The following FAR2 variants were observed in gnomAD, a reference collection of about 807,000 sequenced individuals.
The protein encoded by FAR2 is epididymis secretory protein Li 81.
A neutral mutation model predicts 56.0 loss-of-function variants in FAR2; 19 were observed. The observed-to-expected ratio is 0.34, with a 90% CI of 0.24 to 0.50. FAR2 has a LOEUF of 0.50. Ranked by LOEUF, FAR2 falls within the 20% of genes least tolerant of loss-of-function variation. FAR2 has a pLI of 0.98. For missense variants in FAR2, 508 were observed against 642.2 expected (o/e 0.79, Z 2.26); for synonymous variants, 219 against 218.8 (o/e 1.00, Z -0.01).
At chr12:29,332,295 C>G (rs1310826485) in intron 10 of FAR2, among the ~76,000 whole-genome samples, 3 of 152,174 alleles carry the variant, frequency 2.0e-5, no homozygotes, top group Non-Finnish European at 2.9e-5. Context: ...CCTCGGTTAG[C>G]TGAAATATAT....
intron 9 of FAR2, 22 bp from the exon 10 acceptor site, chr12:29,321,773 T>A: frequency 1.2e-6 from 2 of 1,611,252 alleles, no homozygotes; most frequent in Non-Finnish European, 1.7e-6. Context: ...TGATATTTAC[T>A]CCTATCTGAT....
chr12:29,180,721 T>TTATCTATCTATCTATC (rs59448421), intron 1 of FAR2, among the ~76,000 whole-genome samples: 4 of 146,478 alleles, frequency 2.7e-5, no homozygotes, highest in Non-Finnish European at 3.0e-5. Flanking sequence ...TATTCATTGT[T>TTATCTATCTATCTATC]TATCTATCTA....
intron 1 of FAR2, among the ~76,000 whole-genome samples, chr12:29,179,443 A>G (rs1949972091): frequency 6.6e-6 from 1 of 152,204 alleles, no homozygotes; most frequent in East Asian, 1.9e-4. Flanking sequence ...TTCTTTACAT[A>G]CATTCCCATT....
chr12:29,313,300 T>A (rs1488684427), intron 8 of FAR2, among the ~76,000 whole-genome samples: 1 of 152,120 alleles, frequency 6.6e-6, no homozygotes, highest in Non-Finnish European at 1.5e-5. Context: ...CAGAACCAAA[T>A]GTTTTAATAA....
At chr12:29,251,058 A>T (rs1346518019) in intron 1 of FAR2, among the ~76,000 whole-genome samples, 1 of 152,184 alleles carries the variant, frequency 6.6e-6, no homozygotes, top group Admixed American at 6.5e-5. Flanking sequence ...ACTTGAAGAG[A>T]CCTGTGGCAT....
chr12:29,250,652 A>G (rs1312898900), intron 1 of FAR2, among the ~76,000 whole-genome samples: 1 of 152,202 alleles, frequency 6.6e-6, no homozygotes, highest in African/African-American at 2.4e-5. Context: ...TTCAAATCAA[A>G]TCAATACAAC....
At chr12:29,325,770 T>C (rs1254921500) in intron 10 of FAR2, among the ~76,000 whole-genome samples, 1 of 152,164 alleles carries the variant, frequency 6.6e-6, no homozygotes, top group Non-Finnish European at 1.5e-5. Flanking sequence ...GGGAAATTTA[T>C]AGCACTAAAT....
chr12:29,244,985 C>CTT (rs529685886), intron 1 of FAR2, among the ~76,000 whole-genome samples: 13 of 145,388 alleles, frequency 8.9e-5, no homozygotes, highest in South Asian at 6.6e-4. Context: ...TCTGTCCGCA[C>CTT]TTTTTTTTTT....
intron 1 of FAR2, among the ~76,000 whole-genome samples, chr12:29,186,203 A>G (rs1379461285): frequency 1.3e-5 from 2 of 152,216 alleles, no homozygotes; most frequent in East Asian, 1.9e-4. Context: ...TCTGTTATAT[A>G]TTTATACTTA....
chr12:29,261,792 C>A (rs12306862), intron 1 of FAR2, among the ~76,000 whole-genome samples: 2,719 of 152,180 alleles, frequency 0.018, 81 homozygotes, highest in African/African-American at 0.057. Context: ...AGAAAAAAAT[C>A]TTTTACCCTA....
intron 8 of FAR2, among the ~76,000 whole-genome samples, chr12:29,312,664 T>C (rs763860205): frequency 2.0e-5 from 3 of 152,166 alleles, no homozygotes; most frequent in Admixed American, 6.5e-5. Flanking sequence ...ATCTGTTCAA[T>C]GTATAAAACC....
chr12:29,163,103 A>C (rs1029623010), intron 1 of FAR2, among the ~76,000 whole-genome samples: 3 of 152,188 alleles, frequency 2.0e-5, no homozygotes, highest in Admixed American at 6.5e-5. Flanking sequence ...GAGACCTGGG[A>C]ACCCCTTCTC....
At position 29,189,937 on chromosome 12, in the gene FAR2, C is replaced by T. The variant is rs73073797; in HGVS notation, c.-39+40530C>T. Among the ~76,000 whole-genome samples the T allele has an allele frequency of 4.8e-3, 728 of 152,096 alleles. 5 individuals are homozygous for T. Among genetic ancestry groups the T allele is most frequent in the Middle Eastern group, 0.017 (5 of 294 alleles). On this transcript the variant is annotated intron_variant, in intron 1 of 11. Transcript: ENST00000536681. ...TGATTCCAGACAGACTTTGAAGATA[C>T]AGCTGGTAGGATTTGATGGTAGTTT...
At chr12:29,328,911 A>G (rs1949689709) in intron 10 of FAR2, among the ~76,000 whole-genome samples, 1 of 152,100 alleles carries the variant, frequency 6.6e-6, no homozygotes, top group African/African-American at 2.4e-5. Context: ...AAAAAAAGAA[A>G]AAAAAACAAT....
At position 29,332,627 on chromosome 12, in the gene FAR2, A is replaced by G; in HGVS notation, c.1285A>G (p.Asn429Asp). The change falls in exon 11 of 12, where the codon AAC becomes GAC. Residue 429 changes from asparagine to aspartate, a missense_variant. By Grantham distance (23) the Asn-to-Asp change is conservative. Coordinates refer to ENST00000536681, the MANE Select transcript of FAR2 (RefSeq NM_001271783.2). ...RVFNFDVRQL[N>D]WLEYIENYVL... ...ATTCAACTTTGACGTGCGCCAGTTG[A>G]ACTGGTTGGAATACATTGAAAATTA... is the stretch of plus-strand genomic sequence containing the variant. 6.2e-7 allele frequency: 1 copy of G among 1,613,756 alleles called. No homozygotes were observed. The highest frequency in any genetic ancestry group is 8.5e-7 in the Non-Finnish European group (1 of 1,179,750).
chr12:29,175,692 GCT>G (rs754090855), intron 1 of FAR2, among the ~76,000 whole-genome samples: 2 of 152,186 alleles, frequency 1.3e-5, no homozygotes, highest in Non-Finnish European at 1.5e-5. Context: ...CAATCCTTTA[GCT>G]AGACACAGAG....
intron 2 of FAR2, among the ~76,000 whole-genome samples, chr12:29,273,415 C>T (rs1272406512): frequency 2.0e-5 from 3 of 152,182 alleles, no homozygotes; most frequent in Admixed American, 6.5e-5. Context: ...TGAAGAGGCA[C>T]TCTGGCCGCA....
intron 2 of FAR2, 22 bp from the exon 3 acceptor site, chr12:29,293,278 T>C: frequency 6.6e-7 from 1 of 1,505,304 alleles, no homozygotes; most frequent in Non-Finnish European, 8.9e-7. Flanking sequence ...TTTTTGTATA[T>C]TGATCTATAT....
intron 1 of FAR2, among the ~76,000 whole-genome samples, chr12:29,203,567 C>T (rs761102132): frequency 1.3e-5 from 2 of 152,188 alleles, no homozygotes; most frequent in Non-Finnish European, 2.9e-5. Flanking sequence ...TCTGAGGTGA[C>T]TGAATCCATT....
Sources: allele counts gnomAD v4.1 joint callset (sites outside exome capture counted in the v4.1 genomes callset), GRCh38; gene constraint gnomAD v4.1.1; transcripts MANE v1.5; gene names NCBI Gene and HGNC (gene_info 2026-07-23, HGNC 2026-07-21).